The following ABLIM3 variants were observed in gnomAD, a reference collection of about 807,000 sequenced individuals.
ABLIM3 encodes actin-binding LIM protein 3.
A neutral mutation model predicts 109.5 loss-of-function variants in ABLIM3; 61 were observed. The observed-to-expected ratio is 0.56, with a 90% CI of 0.45 to 0.69. ABLIM3 has a LOEUF of 0.69. ABLIM3 is among the 30% of genes least tolerant of loss of function. ABLIM3 has a pLI of 0.00. For synonymous variants in ABLIM3, 300 were observed against 324.8 expected, an observed-to-expected ratio of 0.92 and a Z score of 0.82; for missense variants, 796 against 889.5, an observed-to-expected ratio of 0.89 and a Z score of 1.34.
In ABLIM3 at chr5:149,258,956, A is replaced by G. The variant is rs1754682343; in HGVS notation, c.*552A>G. 2.0e-6 allele frequency: 2 copies of G among 990,552 alleles called. No homozygotes were observed. The highest frequency in any genetic ancestry group is 2.4e-6 in the Non-Finnish European group (2 of 833,266). The allele number at this position is 990,552 out of a possible 1,614,324, so 61.4% of individuals were successfully genotyped here. The stretch of plus-strand genomic sequence containing the variant: ...AGTTAAAAGGGTGAGCCTCAAATCT[A>G]GTCATTACACCAGTCAACAGAAGTG... On this transcript the variant is annotated 3_prime_UTR_variant, in exon 24 of 24. Coordinates refer to ENST00000309868, the MANE Select transcript of ABLIM3 (RefSeq NM_014945.5).
At chr5:149,221,040 T>G (rs1760597641) in intron 8 of ABLIM3, 1 of 152,202 alleles carries the variant, frequency 6.6e-6, no homozygotes, top group Non-Finnish European at 1.5e-5. Context: ...GGGCATGTGT[T>G]ATAAAGCCCC....
At chr5:149,237,851 C>T (rs761136342) in intron 11 of ABLIM3, among the ~76,000 whole-genome samples, 1 of 152,188 alleles carries the variant, frequency 6.6e-6, no homozygotes, top group South Asian at 2.1e-4. Context: ...AGCAGCACCC[C>T]CTATAGACAG....
intron 3 of ABLIM3, among the ~76,000 whole-genome samples, chr5:149,192,637 G>GAAAAAAAAAAAAAAAAAAAAA (rs767252934): frequency 9.9e-6 from 1 of 101,230 alleles, no homozygotes; most frequent in Non-Finnish European, 2.1e-5. Flanking sequence ...AAAAAAAAAA[G>GAAAAAAAAAAAAAAAAAAAAA]AAAAAAAAAA....
intron 8 of ABLIM3, among the ~76,000 whole-genome samples, chr5:149,226,141 G>A (rs1761249371): frequency 6.6e-6 from 1 of 151,140 alleles, no homozygotes; most frequent in African/African-American, 2.4e-5. Context: ...CAAAGATAGT[G>A]CTGCTGTCAT....
intron 10 of ABLIM3, among the ~76,000 whole-genome samples, chr5:149,235,095 T>G (rs1456895485): frequency 6.6e-6 from 1 of 152,176 alleles, no homozygotes; most frequent in East Asian, 1.9e-4. Flanking sequence ...CCTCACATCC[T>G]AGCAGAGGCA....
At chr5:149,148,606 G>A (rs1004305203) in intron 2 of ABLIM3, among the ~76,000 whole-genome samples, 21 of 152,142 alleles carry the variant, frequency 1.4e-4, no homozygotes, top group Admixed American at 9.8e-4. Context: ...GCGATCGGCC[G>A]CATCCCTACT....
chr5:149,170,503 C>A (rs1581036654), intron 2 of ABLIM3, among the ~76,000 whole-genome samples: 1 of 152,188 alleles, frequency 6.6e-6, no homozygotes, highest in East Asian at 1.9e-4. Flanking sequence ...CTGGGACAGG[C>A]CCCACCCAAA....
chr5:149,152,684 G>A (rs1237209317), intron 2 of ABLIM3, among the ~76,000 whole-genome samples: 1 of 152,140 alleles, frequency 6.6e-6, no homozygotes, highest in Admixed American at 6.5e-5. Flanking sequence ...GTCTGAGGAG[G>A]CTGAACTGTT....
chr5:149,220,389 T>A (rs1760521485), intron 8 of ABLIM3: 1 of 152,212 alleles, frequency 6.6e-6, no homozygotes, highest in Admixed American at 6.5e-5. Flanking sequence ...TTCTTAGTAA[T>A]GAAGATGAGC....
In ABLIM3 at chr5:149,198,545, C is replaced by G. The variant is rs1005673253; in HGVS notation, c.335+143C>G. ...TCTGGAACCTCAGGTGTGGAGGGAT[C>G]TGATGGGCCAGTGGTTTTCAAACAC... On this transcript the variant is annotated intron_variant, in intron 4 of 23. Transcript: ENST00000309868. This position sits in a 1 kb window ranked among gnomAD's most constrained non-coding sequence, Gnocchi z 4.2. 31 of 943,656 alleles carry G rather than the reference C, an allele frequency of 3.3e-5. No individual in the cohort carries two copies. The highest frequency in any genetic ancestry group is 6.9e-4 in the Middle Eastern group (2 of 2,916). The allele number at this position is 943,656 out of a possible 1,614,324, so 58.5% of individuals were successfully genotyped here. A position where few individuals can be genotyped will look rare whatever the true frequency, so the allele number is the denominator to read the frequency against.
intron 12 of ABLIM3, 130 bp from the exon 13 acceptor site, chr5:149,239,629 G>C: frequency 7.7e-7 from 1 of 1,299,946 alleles, no homozygotes; most frequent in East Asian, 2.5e-5. Context: ...AGGGAGGAGG[G>C]GGGTCTCTGT....
chr5:149,196,780 G>A (rs1758020161), intron 3 of ABLIM3, among the ~76,000 whole-genome samples: 1 of 152,196 alleles, frequency 6.6e-6, no homozygotes, highest in Non-Finnish European at 1.5e-5. Context: ...AAGAAATTTT[G>A]CATCTTTCTG....
chr5:149,214,206 G>A (rs1383917173), intron 7 of ABLIM3, among the ~76,000 whole-genome samples: 1 of 152,228 alleles, frequency 6.6e-6, no homozygotes, highest in Non-Finnish European at 1.5e-5. Flanking sequence ...GGCTGCAACA[G>A]AGAGGAAGTT....
intron 3 of ABLIM3, among the ~76,000 whole-genome samples, chr5:149,191,896 C>T (rs1179644503): frequency 6.6e-6 from 1 of 152,120 alleles, no homozygotes; most frequent in Non-Finnish European, 1.5e-5. Flanking sequence ...CTTGCTCTGT[C>T]GCCCAGGCTG....
At chr5:149,250,403 A>C (rs1210950709) in intron 19 of ABLIM3, 44 bp from the exon 20 acceptor site, 1 of 1,603,360 alleles carries the variant, frequency 6.2e-7, no homozygotes, top group East Asian at 2.2e-5. Context: ...AGAGGGACTC[A>C]TGGCTTGGGA....
At chr5:149,224,360 G>C (rs946908474) in intron 8 of ABLIM3, among the ~76,000 whole-genome samples, 29 of 152,238 alleles carry the variant, frequency 1.9e-4, no homozygotes, top group African/African-American at 7.0e-4. Flanking sequence ...ATGGTAACCA[G>C]CCTCATGGTA....
intron 2 of ABLIM3, among the ~76,000 whole-genome samples, chr5:149,166,012 T>G (rs1754786557): frequency 6.6e-6 from 1 of 152,254 alleles, no homozygotes; most frequent in Non-Finnish European, 1.5e-5. Flanking sequence ...TTTGTCCTCA[T>G]GGCCTGGGTG....
chr5:149,240,834 C>T, intron 14 of ABLIM3, 60 bp downstream of exon 14: 1 of 1,489,928 alleles, frequency 6.7e-7, no homozygotes, highest in Non-Finnish European at 9.3e-7. Flanking sequence ...GTCACAGGTG[C>T]CTGAGTCACC....
chr5:149,143,872 G>GA (rs58781552), intron 2 of ABLIM3, among the ~76,000 whole-genome samples: 56 of 150,424 alleles, frequency 3.7e-4, no homozygotes, highest in Non-Finnish European at 5.0e-4. Context: ...CTATCTCTAG[G>GA]AAAAAAAAAT....
Sources: allele counts gnomAD v4.1 joint callset (sites outside exome capture counted in the v4.1 genomes callset), GRCh38; gene constraint gnomAD v4.1.1; non-coding constraint Gnocchi (gnomAD v3.1); transcripts MANE v1.5; gene names NCBI Gene and HGNC (gene_info 2026-07-23, HGNC 2026-07-21).